PITPNM2: variants seen among roughly 807,000 people sequenced by gnomAD.
PITPNM2 encodes phosphatidylinositol transfer protein membrane associated 2.
PITPNM2 carries 35 observed loss-of-function variants against 132.2 expected under a neutral mutation model. That is an observed-to-expected ratio of 0.26 (90% CI 0.20 to 0.35). PITPNM2 has a LOEUF of 0.35. Ranked by LOEUF, PITPNM2 falls within the 10% of genes least tolerant of loss-of-function variation. The pLI is 1.00. For synonymous variants in PITPNM2, 738 were observed against 799.2 expected, an observed-to-expected ratio of 0.92 and a Z score of 1.29; for missense variants, 1,332 against 1,912.0, an observed-to-expected ratio of 0.70 and a Z score of 5.66.
chr12:123,019,686 G>A (rs2039592280), intron 3 of PITPNM2, among the ~76,000 whole-genome samples: 1 of 152,242 alleles, frequency 6.6e-6, no homozygotes, highest in African/African-American at 2.4e-5. Flanking sequence ...GAGGGCCTGT[G>A]CAGCCCTCAC....
In PITPNM2 at chr12:122,985,998, T is replaced by C. The variant is rs2037912428; in HGVS notation, c.*29A>G. 7.3e-7 allele frequency: 1 copy of C among 1,373,678 alleles called. No individual in the cohort carries two copies. Among genetic ancestry groups the C allele is most frequent in the East Asian group, 3.0e-5 (1 of 33,066 alleles). The allele number at this position is 1,373,678 out of a possible 1,614,324, so 85.1% of individuals were successfully genotyped here. The stretch of plus-strand genomic sequence containing the variant: ...GGCTGGCCACCCTGGCCTAGCACCA[T>C]GGAGACCCCGCGCTGCACTCACGGT... On this transcript the variant is annotated 3_prime_UTR_variant, in exon 26 of 26. Coordinates refer to ENST00000320201, the MANE Select transcript of PITPNM2 (RefSeq NM_020845.3).
chr12:123,111,911 C>T lies in PITPNM2; in HGVS notation c.-199-1423G>A, dbSNP rs991371012. Among the ~76,000 whole-genome samples, 4 of 152,142 alleles carry T rather than the reference C, an allele frequency of 2.6e-5. No homozygotes were observed. Among genetic ancestry groups the T allele is most frequent in the Admixed American group, 1.3e-4 (2 of 15,274 alleles). ...AGCAACTCTGAAGTCTCCCCATGTTCGAGGTGAGGAAAGCTGTTGAGAGGG... is the reference window on the plus strand; with the variant it reads ...AGCAACTCTGAAGTCTCCCCATGTTTGAGGTGAGGAAAGCTGTTGAGAGGG... On this transcript the variant is annotated intron_variant, in intron 1 of 25. Coordinates refer to ENST00000320201, the MANE Select transcript of PITPNM2 (RefSeq NM_020845.3). This position sits in a 1 kb window ranked among gnomAD's most constrained non-coding sequence, Gnocchi z 4.1.
chr12:122,991,114 G>A (rs1594121779), intron 16 of PITPNM2, among the ~76,000 whole-genome samples: 2 of 152,238 alleles, frequency 1.3e-5, no homozygotes, highest in East Asian at 1.9e-4. Flanking sequence ...GCTGACAACA[G>A]GTGCCATGGG....
chr12:123,058,511 C>T lies in PITPNM2; in HGVS notation c.-95-23826G>A, dbSNP rs974480488. On this transcript the variant is annotated intron_variant, in intron 2 of 25. Transcript: ENST00000320201. This position sits in a 1 kb window ranked among gnomAD's most constrained non-coding sequence, Gnocchi z 4.0. Reference sequence around the variant, plus strand: ...AGCTCCCCAGAATGTCACTGGAAGCCATCATGCCCCACCCACAGCCTCTCC... The same window carrying T: ...AGCTCCCCAGAATGTCACTGGAAGCTATCATGCCCCACCCACAGCCTCTCC... 1.3e-5 allele frequency among the ~76,000 whole-genome samples: 2 copies of T among 152,226 alleles called. No individual in the cohort carries two copies. Among genetic ancestry groups the T allele is most frequent in the Non-Finnish European group, 2.9e-5 (2 of 68,036 alleles).
intron 2 of PITPNM2, among the ~76,000 whole-genome samples, chr12:123,093,798 A>G (rs1028069342): frequency 4.6e-5 from 7 of 152,270 alleles, no homozygotes; most frequent in Non-Finnish European, 1.0e-4. Flanking sequence ...AGAAGCCACA[A>G]GACACCAACA....
At position 123,097,716 on chromosome 12, in the gene PITPNM2, T is replaced by G. The variant is rs1387814507; in HGVS notation, c.-96+12669A>C. On this transcript the variant is annotated intron_variant, in intron 2 of 25. Coordinates refer to ENST00000320201, the MANE Select transcript of PITPNM2 (RefSeq NM_020845.3). This position sits in a 1 kb window ranked among gnomAD's most constrained non-coding sequence, Gnocchi z 4.7. ...GGGGTTTTTCAATCTGTGCCTATAT[T>G]TATCGCCCAAAGCCGCTGGGATAAT... 1.3e-5 allele frequency among the ~76,000 whole-genome samples: 2 copies of G among 152,184 alleles called. No homozygotes were observed. The highest frequency in any genetic ancestry group is 3.9e-4 in the East Asian group (2 of 5,192).
rs562450985 is a variant in PITPNM2, at chr12:123,008,841, T to C, written c.643+1009A>G. Among the ~76,000 whole-genome samples the C allele has an allele frequency of 1.4e-4, 22 of 152,368 alleles. 1 individual carries two copies. The South Asian group carries it at 3.7e-3, about 26-fold the overall frequency. ...TTCTCCAAGTGGAAGACCGCGTCCTTGGACCCCAATCCTTTCGGGTACACA... is the reference window on the plus strand; with the variant it reads ...TTCTCCAAGTGGAAGACCGCGTCCTCGGACCCCAATCCTTTCGGGTACACA... On this transcript the variant is annotated intron_variant, in intron 6 of 25. Coordinates refer to ENST00000320201, the MANE Select transcript of PITPNM2 (RefSeq NM_020845.3). This position sits in a 1 kb window ranked among gnomAD's most constrained non-coding sequence, Gnocchi z 4.1.
chr12:123,108,968 TC>T lies in PITPNM2; in HGVS notation c.-96+1416del, dbSNP rs1269560693. Among the ~76,000 whole-genome samples the T allele has an allele frequency of 6.6e-6, 1 of 152,030 alleles. No individual in the cohort carries two copies. Among genetic ancestry groups the T allele is most frequent in the Non-Finnish European group, 1.5e-5 (1 of 67,980 alleles). ...TGTGCTTCCAGGTCTAGACTCGGGGTCCAATCCCAATCCCACCACTGACTAG... is the reference window on the plus strand; with the variant it reads ...TGTGCTTCCAGGTCTAGACTCGGGGTCAATCCCAATCCCACCACTGACTAG... On this transcript the variant is annotated intron_variant, in intron 2 of 25. Transcript: ENST00000320201. This position sits in a 1 kb window ranked among gnomAD's most constrained non-coding sequence, Gnocchi z 4.4.
intron 3 of PITPNM2, among the ~76,000 whole-genome samples, chr12:123,024,209 C>A (rs555788589): frequency 7.2e-5 from 11 of 152,242 alleles, no homozygotes; most frequent in African/African-American, 1.2e-4. Context: ...TAGGGAAATG[C>A]AAATCAAAAC....
At chr12:123,068,196 G>A (rs1005441439) in intron 2 of PITPNM2, among the ~76,000 whole-genome samples, 5 of 151,886 alleles carry the variant, frequency 3.3e-5, no homozygotes, top group East Asian at 1.9e-4. Flanking sequence ...GGCCGGGCAC[G>A]GTGGCTCACG....
At chr12:122,988,150 C>G (rs2038018595) in intron 20 of PITPNM2, 84 bp downstream of exon 20, 4 of 1,237,488 alleles carry the variant, frequency 3.2e-6, no homozygotes, top group African/African-American at 1.5e-5. Flanking sequence ...TGCAGGCTTC[C>G]CTGCAACTCA....
Position 123,000,176 on chromosome 12 carries a change from C to A in PITPNM2, c.1224+602G>T, listed in dbSNP as rs968632738. On this transcript the variant is annotated intron_variant, in intron 10 of 25. Transcript: ENST00000320201. The surrounding 1 kb of genome is among the most constrained non-coding windows in gnomAD (Gnocchi z 5.4). The stretch of plus-strand genomic sequence containing the variant: ...TGAGGCCAGAGCAGTGCGGTGACCG[C>A]AGGTGATGGTGGGACAGCCCAGCTC... 7.0e-6 allele frequency: 4 copies of A among 568,826 alleles called. No homozygotes were observed. Among genetic ancestry groups the A allele is most frequent in the Non-Finnish European group, 1.2e-5 (4 of 320,304 alleles). 35.2% of individuals were successfully genotyped at this position (568,826 alleles called of 1,614,324 possible). A position where few individuals can be genotyped will look rare whatever the true frequency, so the allele number is the denominator to read the frequency against.
At chr12:123,001,240 A>G in intron 8 of PITPNM2, 82 bp from the exon 9 acceptor site, 1 of 1,062,568 alleles carries the variant, frequency 9.4e-7, no homozygotes, top group Non-Finnish European at 1.5e-6. Context: ...GCCCCTGTGT[A>G]CGGCTCTGCT....
At chr12:123,011,113 TG>T (rs999632183) in intron 5 of PITPNM2, among the ~76,000 whole-genome samples, 18 of 152,242 alleles carry the variant, frequency 1.2e-4, no homozygotes, top group African/African-American at 4.1e-4. Flanking sequence ...TGGGCAGGAC[TG>T]GGGCACTCAC....
At chr12:123,132,016 C>A (rs1488556234) in intron 1 of PITPNM2, among the ~76,000 whole-genome samples, 1 of 152,258 alleles carries the variant, frequency 6.6e-6, no homozygotes, top group Non-Finnish European at 1.5e-5. Context: ...CTGCATGAGG[C>A]CTGTTGGGTT....
intron 3 of PITPNM2, among the ~76,000 whole-genome samples, chr12:123,027,990 T>C (rs1385431282): frequency 2.6e-5 from 4 of 152,178 alleles, no homozygotes. Context: ...CTGCCTACCA[T>C]TCCCCTAAAC....
chr12:123,041,608 C>T (rs1459839347), intron 2 of PITPNM2, among the ~76,000 whole-genome samples: 2 of 152,190 alleles, frequency 1.3e-5, no homozygotes, highest in African/African-American at 2.4e-5. Context: ...ACACCCAGTC[C>T]GGCTGCCTGG....
intron 3 of PITPNM2, among the ~76,000 whole-genome samples, chr12:123,026,880 G>C (rs1283453257): frequency 3.3e-5 from 5 of 152,128 alleles, no homozygotes; most frequent in African/African-American, 1.2e-4. Flanking sequence ...TTTTCTTATA[G>C]GGACACTAGT....
At chr12:123,133,573 A>G (rs1436736593) in intron 1 of PITPNM2, among the ~76,000 whole-genome samples, 1 of 152,220 alleles carries the variant, frequency 6.6e-6, no homozygotes, top group African/African-American at 2.4e-5. Context: ...GTGGGATGAT[A>G]GTAGGTGGTG....
Sources: allele counts gnomAD v4.1 joint callset (sites outside exome capture counted in the v4.1 genomes callset), GRCh38; gene constraint gnomAD v4.1.1; non-coding constraint Gnocchi (gnomAD v3.1); transcripts MANE v1.5; gene names NCBI Gene and HGNC (gene_info 2026-07-23, HGNC 2026-07-21).